The following NKAIN2 variants were observed in gnomAD, a reference collection of about 807,000 sequenced individuals.
NKAIN2 encodes the protein sodium/potassium-transporting ATPase subunit beta-1-interacting protein 2.
NKAIN2 carries 14 observed loss-of-function variants against 32.6 expected under a neutral mutation model. That is an observed-to-expected ratio of 0.43 (90% CI 0.28 to 0.67). NKAIN2 has a LOEUF of 0.67. Ranked by LOEUF, NKAIN2 falls within the 30% of genes least tolerant of loss-of-function variation. The probability of loss-of-function intolerance (pLI) is 0.17; values close to 1 mark genes in which losing one functional copy is unlikely to be tolerated. For synonymous variants in NKAIN2, 80 were observed against 87.2 expected (o/e 0.92, Z 0.46); for missense variants, 198 against 258.3 (o/e 0.77, Z 1.60).
chr6:124,377,839 C>G (rs989227393), intron 3 of NKAIN2, among the ~76,000 whole-genome samples: 1 of 152,120 alleles, frequency 6.6e-6, no homozygotes, highest in African/African-American at 2.4e-5. Context: ...TGGGAGTCCT[C>G]AATATTGCCT....
At chr6:123,887,740 A>C (rs1395045175) in intron 1 of NKAIN2, among the ~76,000 whole-genome samples, 1 of 152,144 alleles carries the variant, frequency 6.6e-6, no homozygotes, top group African/African-American at 2.4e-5. Flanking sequence ...GCCTAAGGTC[A>C]GATGTAGTTA....
chr6:124,567,803 T>A (rs1320733941), intron 3 of NKAIN2, among the ~76,000 whole-genome samples: 1 of 152,206 alleles, frequency 6.6e-6, no homozygotes, highest in Non-Finnish European at 1.5e-5. Context: ...CTCTTTTTTT[T>A]AATTTTTAAC....
At chr6:124,370,134 G>A (rs1389166540) in intron 3 of NKAIN2, among the ~76,000 whole-genome samples, 1 of 150,930 alleles carries the variant, frequency 6.6e-6, no homozygotes, top group Non-Finnish European at 1.5e-5. Flanking sequence ...CTTTGGTTTA[G>A]TAGTTCAGTA....
chr6:124,758,251 C>T (rs958200559), intron 4 of NKAIN2, among the ~76,000 whole-genome samples: 37 of 152,064 alleles, frequency 2.4e-4, no homozygotes, highest in Admixed American at 2.0e-4. Context: ...TCAATGTTTG[C>T]TTGTGTCTCC....
intron 1 of NKAIN2, among the ~76,000 whole-genome samples, chr6:124,046,660 A>T (rs1274819826): frequency 2.1e-4 from 32 of 151,996 alleles, no homozygotes; most frequent in Admixed American, 2.0e-3. Flanking sequence ...CAAGTGTGAC[A>T]CAATGAGAGA....
intron 1 of NKAIN2, among the ~76,000 whole-genome samples, chr6:123,847,892 C>T (rs1052475352): frequency 6.6e-6 from 1 of 152,088 alleles, no homozygotes; most frequent in Non-Finnish European, 1.5e-5. Context: ...CTTTAAATCT[C>T]TCCTTGGGAT....
chr6:124,065,377 T>C (rs1330692449), intron 1 of NKAIN2, among the ~76,000 whole-genome samples: 2 of 152,144 alleles, frequency 1.3e-5, no homozygotes, highest in Non-Finnish European at 2.9e-5. Flanking sequence ...AACCCTGTGC[T>C]ACAGTCTGAA....
chr6:124,806,343 T>G (rs1780561265), intron 5 of NKAIN2, among the ~76,000 whole-genome samples: 1 of 151,950 alleles, frequency 6.6e-6, no homozygotes, highest in Non-Finnish European at 1.5e-5. Context: ...TTCAACATAC[T>G]TAAAGAAAAG....
At chr6:123,864,524 A>C (rs1051292313) in intron 1 of NKAIN2, among the ~76,000 whole-genome samples, 2 of 152,176 alleles carry the variant, frequency 1.3e-5, no homozygotes, top group African/African-American at 2.4e-5. Flanking sequence ...ATAACATGGC[A>C]AGAGGATAGT....
intron 4 of NKAIN2, among the ~76,000 whole-genome samples, chr6:124,710,458 G>A (rs1342817253): frequency 6.6e-6 from 1 of 151,616 alleles, no homozygotes; most frequent in South Asian, 2.1e-4. Flanking sequence ...TTAATGCGTG[G>A]GAGTCTAAGT....
intron 2 of NKAIN2, among the ~76,000 whole-genome samples, chr6:124,329,170 A>G (rs1332259022): frequency 6.6e-6 from 1 of 151,540 alleles, no homozygotes; most frequent in Non-Finnish European, 1.5e-5. Flanking sequence ...GATGATCCAG[A>G]CCCTCAATCC....
intron 3 of NKAIN2, among the ~76,000 whole-genome samples, chr6:124,592,901 T>C (rs1781962048): frequency 6.6e-6 from 1 of 152,166 alleles, no homozygotes; most frequent in Non-Finnish European, 1.5e-5. Flanking sequence ...GCTTTGAACT[T>C]CACGCTAGCT....
chr6:124,626,808 C>G (rs557014238), intron 3 of NKAIN2, among the ~76,000 whole-genome samples: 1 of 152,066 alleles, frequency 6.6e-6, no homozygotes, highest in Non-Finnish European at 1.5e-5. Flanking sequence ...AAAAACAGAC[C>G]TAGTTTTACT....
intron 1 of NKAIN2, among the ~76,000 whole-genome samples, chr6:124,122,135 G>A (rs1296715454): frequency 1.3e-5 from 2 of 151,950 alleles, no homozygotes; most frequent in Non-Finnish European, 2.9e-5. Flanking sequence ...AGACAACTTG[G>A]AAAATGTTGG....
At chr6:124,347,667 C>G (rs1798499412) in intron 2 of NKAIN2, among the ~76,000 whole-genome samples, 1 of 152,194 alleles carries the variant, frequency 6.6e-6, no homozygotes, top group Admixed American at 6.5e-5. Flanking sequence ...AGTTCTCGAG[C>G]CTTGGCTTTC....
chr6:124,343,638 A>T (rs1160695420), intron 2 of NKAIN2, among the ~76,000 whole-genome samples: 1 of 150,414 alleles, frequency 6.6e-6, no homozygotes, highest in Non-Finnish European at 1.5e-5. Flanking sequence ...TCTTTTGAGA[A>T]GTGTCTGTTG....
At chr6:124,576,325 C>T (rs535662444) in intron 3 of NKAIN2, among the ~76,000 whole-genome samples, 21 of 146,018 alleles carry the variant, frequency 1.4e-4, no homozygotes, top group Admixed American at 5.0e-4. Context: ...TATGGTTTTA[C>T]AGATTTCAAT....
intron 1 of NKAIN2, among the ~76,000 whole-genome samples, chr6:124,274,838 C>T (rs919866542): frequency 6.6e-6 from 1 of 151,798 alleles, no homozygotes; most frequent in African/African-American, 2.4e-5. Flanking sequence ...AAAATCTAAA[C>T]ACTAAAAAAA....
intron 3 of NKAIN2, among the ~76,000 whole-genome samples, chr6:124,417,830 A>G (rs1278786561): frequency 1.3e-5 from 2 of 152,148 alleles, no homozygotes; most frequent in Non-Finnish European, 2.9e-5. Context: ...TTTCTCTTCT[A>G]ATGCTGTCCA....
Sources: gnomAD v4.1 joint callset for allele counts (sites outside exome capture counted in the v4.1 genomes callset) on GRCh38, gnomAD v4.1.1 for gene constraint, MANE v1.5 for transcripts, NCBI Gene and HGNC (gene_info 2026-07-23, HGNC 2026-07-21) for gene names.